TP53I11: variants seen among roughly 807,000 people sequenced by gnomAD.
The protein encoded by TP53I11 is tumor protein p53 inducible protein 11, also known as tumor protein p53-inducible protein 11.
Under a neutral mutation model 23.3 loss-of-function variants are expected in TP53I11, and 9 were observed. The ratio of observed to expected loss-of-function variants is 0.39; its 90% CI spans 0.23 to 0.67. TP53I11 has a LOEUF of 0.67. Among genes scored for constraint, TP53I11 ranks in the 30% least tolerant of loss-of-function variants. The probability of loss-of-function intolerance (pLI) is 0.48; values close to 1 mark genes in which losing one functional copy is unlikely to be tolerated. For missense variants in TP53I11, 170 were observed against 255.2 expected (o/e 0.67, Z 2.27); for synonymous variants, 100 against 106.1 (o/e 0.94, Z 0.35).
chr11:44,949,846 C>A (rs1301584544), intron 1 of TP53I11: 2 of 152,438 alleles, frequency 1.3e-5, no homozygotes, highest in African/African-American at 2.4e-5. Flanking sequence ...CCCTACCCAC[C>A]CCCTAACTGG....
Position 44,936,890 on chromosome 11 carries a change from A to G in TP53I11, c.247T>C (p.Phe83Leu), listed in dbSNP as rs1861189876. 1.9e-6 allele frequency: 3 copies of G among 1,605,978 alleles called. No individual in the cohort carries two copies. The highest frequency in any genetic ancestry group is 1.3e-5 in the African/African-American group (1 of 74,780). ...FSGIAIMALA[F>L]PDQLYDAVFD... ...ACCGCATCATAGAGCTGGTCAGGGA[A>G]GGCAAGCGCCTGCGGGCAGCGAGAG... The change falls in exon 5 of 7, where the codon TTC becomes CTC. Residue 83 changes from phenylalanine to leucine, a missense_variant. Physicochemically the swap from Phe to Leu is conservative, Grantham distance 22 (BLOSUM62 0). Transcript: ENST00000525680. This position sits in a 1 kb window ranked among gnomAD's most constrained non-coding sequence, Gnocchi z 4.4.
intron 4 of TP53I11, 108 bp from the exon 5 acceptor site, chr11:44,937,007 T>G: frequency 2.3e-6 from 2 of 859,236 alleles, no homozygotes; most frequent in Non-Finnish European, 3.6e-6. Flanking sequence ...AGGATCAGCA[T>G]CCTTGGGGGC....
rs544403630 is a variant in TP53I11, at chr11:44,936,695, C to T, written c.334+108G>A. The T allele has an allele frequency of 5.0e-5, 68 of 1,365,850 alleles. No homozygotes were observed. The African/African-American group carries it at 7.4e-4, about 15-fold the overall frequency. 84.6% of individuals were successfully genotyped at this position (1,365,850 alleles called of 1,614,324 possible). ...CCGGGGTGTGGGCGCAGCATCTGGC[C>T]GAAGAAAGGAAGGGGTGCCCGGGCA... is the stretch of plus-strand genomic sequence containing the variant. On this transcript the variant is annotated intron_variant, in intron 5 of 6. Coordinates refer to ENST00000525680, the MANE Select transcript of TP53I11 (RefSeq NM_006034.5). This position sits in a 1 kb window ranked among gnomAD's most constrained non-coding sequence, Gnocchi z 4.4.
At chr11:44,943,937 T>C (rs945502821) in intron 1 of TP53I11, among the ~76,000 whole-genome samples, 6 of 152,308 alleles carry the variant, frequency 3.9e-5, no homozygotes, top group Non-Finnish European at 8.8e-5. Flanking sequence ...CGTGGCGGGC[T>C]GAGGGGAGGC....
intron 1 of TP53I11, among the ~76,000 whole-genome samples, chr11:44,943,537 T>C (rs1862101432): frequency 6.6e-6 from 1 of 152,190 alleles, no homozygotes; most frequent in Non-Finnish European, 1.5e-5. Context: ...AGCAAACCTT[T>C]CAACAGTGGT....
chr11:44,936,462 G>T lies in TP53I11; in HGVS notation c.334+341C>A, dbSNP rs1861120780. ...GGGTGCGAGGGGTTTTGCAGACACT[G>T]AATTGATCTGCCTCTCCTCTAGGCT... On this transcript the variant is annotated intron_variant, in intron 5 of 6. Transcript: ENST00000525680. This position sits in a 1 kb window ranked among gnomAD's most constrained non-coding sequence, Gnocchi z 4.4. 1 of 1,234,736 alleles carries T rather than the reference G, an allele frequency of 8.1e-7. No individual in the cohort carries two copies. The highest frequency in any genetic ancestry group is 1.0e-6 in the Non-Finnish European group (1 of 990,176). 76.5% of individuals were successfully genotyped at this position (1,234,736 alleles called of 1,614,324 possible).
At chr11:44,949,431 G>C (rs1862714640) in intron 1 of TP53I11, among the ~76,000 whole-genome samples, 1 of 152,220 alleles carries the variant, frequency 6.6e-6, no homozygotes, top group Non-Finnish European at 1.5e-5. Context: ...GTGCAGGGTA[G>C]TGGGGCGGTG....
chr11:44,939,940 A>G (rs1259367182), intron 1 of TP53I11, among the ~76,000 whole-genome samples: 1 of 152,202 alleles, frequency 6.6e-6, no homozygotes, highest in East Asian at 1.9e-4. Flanking sequence ...CCGGCACACA[A>G]GAGACTCCCG....
At position 44,934,570 on chromosome 11, in the gene TP53I11, C is replaced by T. The variant is rs835992; in HGVS notation, c.*314G>A. ...AGCCCACTACCCTCATGACTCCAGC[C>T]TGACTTTAGTCAGTGTCTATTGAGG... On this transcript the variant is annotated 3_prime_UTR_variant, in exon 7 of 7. Coordinates refer to ENST00000525680, the MANE Select transcript of TP53I11 (RefSeq NM_006034.5). 1 allele frequency: 296,147 copies of T among 296,952 alleles called. 147,680 individuals carry two copies. The highest frequency in any genetic ancestry group is 1 in the Middle Eastern group (886 of 886). 18.4% of individuals were successfully genotyped at this position (296,952 alleles called of 1,614,324 possible).
intron 5 of TP53I11, 96 bp from the exon 6 acceptor site, chr11:44,935,758 C>T: frequency 1.2e-6 from 1 of 854,470 alleles, no homozygotes. Flanking sequence ...GCCACTGCTG[C>T]AAGACAGCTG....
In TP53I11 at chr11:44,935,454, C is replaced by T; in HGVS notation, c.436+107G>A. 3 of 1,022,488 alleles carry T rather than the reference C, an allele frequency of 2.9e-6. No homozygotes were observed. In the South Asian group the frequency reaches 4.2e-5, roughly 14 times the overall value. 63.3% of individuals were successfully genotyped at this position (1,022,488 alleles called of 1,614,324 possible). On this transcript the variant is annotated intron_variant, in intron 6 of 6. Transcript: ENST00000525680. ...TATCCCTCTATCCCCTCCCTAGCCCCCCACAGACAGGTTTTCATCACTTCC... is the reference window on the plus strand; with the variant it reads ...TATCCCTCTATCCCCTCCCTAGCCCTCCACAGACAGGTTTTCATCACTTCC...
At chr11:44,947,081 G>C (rs1322116064) in intron 1 of TP53I11, 1 of 456,374 alleles carries the variant, frequency 2.2e-6, no homozygotes, top group Admixed American at 2.3e-5. Flanking sequence ...CAGGTGGCAA[G>C]AAGGAGGCAT....
intron 1 of TP53I11, among the ~76,000 whole-genome samples, chr11:44,940,217 T>C (rs958848270): frequency 7.9e-5 from 12 of 152,264 alleles, no homozygotes; most frequent in African/African-American, 2.9e-4. Flanking sequence ...CCAAGGATGT[T>C]GCCTGGCCCA....
At chr11:44,947,491 G>T (rs1862505233) in intron 1 of TP53I11, among the ~76,000 whole-genome samples, 1 of 152,242 alleles carries the variant, frequency 6.6e-6, no homozygotes, top group Non-Finnish European at 1.5e-5. Context: ...GAGAGGAAAG[G>T]ACAGGAGCTT....
At chr11:44,935,125 G>C in intron 6 of TP53I11, 108 bp from the exon 7 acceptor site, 4 of 1,523,674 alleles carry the variant, frequency 2.6e-6, no homozygotes, top group Non-Finnish European at 3.6e-6. Flanking sequence ...ACTTTGCTCT[G>C]AGCCCAGGAT....
Position 44,937,542 on chromosome 11 carries a change from G to C in TP53I11, c.188+13C>G. The C allele has an allele frequency of 6.2e-7, 1 of 1,613,534 alleles. No individual in the cohort carries two copies. Among genetic ancestry groups the C allele is most frequent in the South Asian group, 1.1e-5 (1 of 90,948 alleles). On this transcript the variant is annotated intron_variant, in intron 3 of 6. Transcript: ENST00000525680. Reference sequence around the variant, plus strand: ...GGCCTTCCCCTCCCCCAAAAAGTCAGGTAAATGCTCACCTGAGCCCCAAAG... The same window carrying C: ...GGCCTTCCCCTCCCCCAAAAAGTCACGTAAATGCTCACCTGAGCCCCAAAG...
intron 1 of TP53I11, among the ~76,000 whole-genome samples, chr11:44,945,118 G>A (rs1265402087): frequency 6.6e-6 from 1 of 152,178 alleles, no homozygotes; most frequent in African/African-American, 2.4e-5. Flanking sequence ...AGTCAAGGGG[G>A]AGTCACTGCT....
At chr11:44,942,292 TACCACAC>T (rs1401738145) in intron 1 of TP53I11, among the ~76,000 whole-genome samples, 1 of 101,926 alleles carries the variant, frequency 9.8e-6, no homozygotes, top group Non-Finnish European at 2.0e-5. Context: ...ACACACCACA[TACCACAC>T]ACCACACCCA....
At chr11:44,947,634 G>T (rs1022634273) in intron 1 of TP53I11, among the ~76,000 whole-genome samples, 1 of 152,208 alleles carries the variant, frequency 6.6e-6, no homozygotes, top group Non-Finnish European at 1.5e-5. Context: ...CACAACCATA[G>T]TCCAGGACTG....
Sources: gnomAD v4.1 joint callset for allele counts (sites outside exome capture counted in the v4.1 genomes callset) on GRCh38, gnomAD v4.1.1 for gene constraint, Gnocchi (gnomAD v3.1) non-coding constraint, MANE v1.5 for transcripts, NCBI Gene and HGNC (gene_info 2026-07-23, HGNC 2026-07-21) for gene names.